The following BLTP2 variants were observed in gnomAD, a reference collection of about 807,000 sequenced individuals.
BLTP2 encodes U937-associated antigen.
the BLTP2 span, chr17:28,640,350 A>T: frequency 1.8e-6 from 1 of 542,606 alleles, no homozygotes; most frequent in Middle Eastern, 5.3e-4. Context: ...CCAAGATCGC[A>T]CCACTGAACT....
chr17:28,626,834 C>T, the BLTP2 span, among the ~76,000 whole-genome samples: 1 of 152,204 alleles, frequency 6.6e-6, no homozygotes, highest in African/African-American at 2.4e-5. Flanking sequence ...TTACAGTAAT[C>T]CAGTAAACAT....
chr17:28,628,676 C>CTTTG, the BLTP2 span: 1 of 840,104 alleles, frequency 1.2e-6, no homozygotes, highest in Non-Finnish European at 1.8e-6. Context: ...GGCTCATGCC[C>CTTTG]GTAATCCCAG....
the BLTP2 span, among the ~76,000 whole-genome samples, chr17:28,630,092 G>C: frequency 6.6e-6 from 1 of 152,174 alleles, no homozygotes; most frequent in Non-Finnish European, 1.5e-5. Flanking sequence ...TGGAACTCTT[G>C]AGCTCAAGGG....
At chr17:28,630,988 A>G in the BLTP2 span, among the ~76,000 whole-genome samples, 1 of 152,248 alleles carries the variant, frequency 6.6e-6, no homozygotes, top group African/African-American at 2.4e-5. Flanking sequence ...TGAGTTTGTC[A>G]TAAAGTAATG....
the BLTP2 span, chr17:28,621,581 T>C: frequency 1.0e-6 from 1 of 976,186 alleles, no homozygotes; most frequent in South Asian, 1.3e-5. Flanking sequence ...TCTCCATGTT[T>C]CAAGTAGTTA....
chr17:28,632,240 C>T, the BLTP2 span: 1 of 1,591,372 alleles, frequency 6.3e-7, no homozygotes, highest in Non-Finnish European at 8.6e-7. Context: ...TGGGATATTG[C>T]TGCAAAGAGA....
the BLTP2 span, chr17:28,642,158 G>A: frequency 6.3e-7 from 1 of 1,575,196 alleles, no homozygotes; most frequent in East Asian, 2.2e-5. Flanking sequence ...CTGGAACACT[G>A]GGTACTGACT....
the BLTP2 span, among the ~76,000 whole-genome samples, chr17:28,632,458 T>G: frequency 4.6e-5 from 7 of 152,162 alleles, no homozygotes; most frequent in Non-Finnish European, 1.0e-4. Context: ...CCAAAATTCA[T>G]GCTGAAATAC....
At chr17:28,628,473 A>G in the BLTP2 span, 1 of 1,614,156 alleles carries the variant, frequency 6.2e-7, no homozygotes, top group Non-Finnish European at 8.5e-7. Flanking sequence ...CAATGTCTCG[A>G]TTGGTAGTTG....
At chr17:28,622,951 TGTAATCCCA>T in the BLTP2 span, among the ~76,000 whole-genome samples, 1 of 152,160 alleles carries the variant, frequency 6.6e-6, no homozygotes, top group Non-Finnish European at 1.5e-5. Context: ...GGGGCACGCC[TGTAATCCCA>T]GCTACTCAGG....
At chr17:28,632,245 A>C in the BLTP2 span, 1 of 1,590,146 alleles carries the variant, frequency 6.3e-7, no homozygotes, top group Non-Finnish European at 8.6e-7. Context: ...TATTGCTGCA[A>C]AGAGAAAGAC....
chr17:28,633,434 A>T, the BLTP2 span: 4 of 1,595,694 alleles, frequency 2.5e-6, no homozygotes, highest in South Asian at 4.4e-5. Context: ...GGTGAGATAT[A>T]GGTAAGAAAA....
the BLTP2 span, chr17:28,635,118 T>C: frequency 3.7e-6 from 6 of 1,613,006 alleles, no homozygotes; most frequent in South Asian, 1.1e-5. Flanking sequence ...CCACCGAGAC[T>C]GAGCCGAAAG....
the BLTP2 span, among the ~76,000 whole-genome samples, chr17:28,618,537 TTTTA>T: frequency 1.3e-5 from 2 of 151,736 alleles, no homozygotes; most frequent in African/African-American, 4.8e-5. Flanking sequence ...TTAAAAATTA[TTTTA>T]TTTCTTTGTT....
At chr17:28,633,133 G>T in the BLTP2 span, 2 of 1,581,918 alleles carry the variant, frequency 1.3e-6, no homozygotes, top group Non-Finnish European at 1.7e-6. Context: ...GCAGAGGTCA[G>T]GCAGGTGAAG....
the BLTP2 span, chr17:28,632,207 T>C: frequency 6.2e-7 from 1 of 1,612,410 alleles, no homozygotes; most frequent in East Asian, 2.2e-5. Context: ...CGCAGGGTAC[T>C]ACTATATAGC....
At chr17:28,637,268 T>C in the BLTP2 span, 1 of 915,410 alleles carries the variant, frequency 1.1e-6, no homozygotes, top group South Asian at 1.4e-5. Context: ...ACTATCTTTA[T>C]TCCTCATGCC....
At chr17:28,633,065 T>C in the BLTP2 span, 5 of 1,592,424 alleles carry the variant, frequency 3.1e-6, no homozygotes, top group Non-Finnish European at 8.6e-7. Flanking sequence ...GCCCGCAGAG[T>C]GACACTATGG....
At chr17:28,619,787 G>C in the BLTP2 span, 3 of 1,614,072 alleles carry the variant, frequency 1.9e-6, no homozygotes, top group Non-Finnish European at 2.5e-6. Flanking sequence ...TAGGGAACCA[G>C]GATAGAAACT....
Sources: gnomAD v4.1 joint callset for allele counts (sites outside exome capture counted in the v4.1 genomes callset) on GRCh38, gnomAD v4.1.1 for gene constraint, MANE v1.5 for transcripts, NCBI Gene and HGNC (gene_info 2026-07-23, HGNC 2026-07-21) for gene names.